The following ARHGAP26 variants were observed in gnomAD, a reference collection of about 807,000 sequenced individuals.
ARHGAP26 encodes the protein Rho GTPase activating protein 26, also known as rho GTPase-activating protein 26.
Under a neutral mutation model 104.8 loss-of-function variants are expected in ARHGAP26, and 38 were observed. The observed-to-expected ratio is 0.36, with a 90% CI of 0.28 to 0.48. ARHGAP26 has a LOEUF of 0.48. Ranked by LOEUF, ARHGAP26 falls within the 20% of genes least tolerant of loss-of-function variation. The pLI, the probability that ARHGAP26 is intolerant of heterozygous loss-of-function variation, is 0.99. For synonymous variants in ARHGAP26, 341 were observed against 340.0 expected, an observed-to-expected ratio of 1.00 and a Z score of -0.03; for missense variants, 704 against 947.9, an observed-to-expected ratio of 0.74 and a Z score of 3.38.
In ARHGAP26 at chr5:142,809,358, A is replaced by G. The variant is rs114597961; in HGVS notation, c.154+38443A>G. Among the ~76,000 whole-genome samples the G allele has an allele frequency of 5.1e-3, 778 of 152,342 alleles. 9 individuals are homozygous for G. Among genetic ancestry groups the G allele is most frequent in the African/African-American group, 0.018 (742 of 41,578 alleles). ...CCCCAAGAGAGAAGCCAGGATGTGA[A>G]GGACTTTGAGCTTCTTAGAAGAAGG... On this transcript the variant is annotated intron_variant, in intron 1 of 22. Transcript: ENST00000645722.
intron 11 of ARHGAP26, among the ~76,000 whole-genome samples, chr5:142,997,286 G>C (rs1310121408): frequency 3.3e-5 from 5 of 152,114 alleles, no homozygotes; most frequent in South Asian, 2.1e-4. Flanking sequence ...TTGTAGGCAT[G>C]GGTAGAGTGG....
intron 11 of ARHGAP26, among the ~76,000 whole-genome samples, chr5:142,971,025 C>T (rs901900054): frequency 6.6e-6 from 1 of 151,964 alleles, no homozygotes; most frequent in Non-Finnish European, 1.5e-5. Flanking sequence ...TAAGATTCTA[C>T]AAATTTTTTA....
intron 7 of ARHGAP26, among the ~76,000 whole-genome samples, chr5:142,902,727 C>T (rs1760539888): frequency 6.6e-6 from 1 of 152,186 alleles, no homozygotes; most frequent in African/African-American, 2.4e-5. Context: ...CTGGAGGTTA[C>T]ATAGTAGTCA....
chr5:143,162,284 T>TACACATACAC (rs1554256330), intron 20 of ARHGAP26, among the ~76,000 whole-genome samples: 1 of 147,330 alleles, frequency 6.8e-6, no homozygotes. Flanking sequence ...AACACACACA[T>TACACATACAC]ACACACACAC....
At chr5:143,007,783 T>G (rs1449609497) in intron 11 of ARHGAP26, among the ~76,000 whole-genome samples, 1 of 151,140 alleles carries the variant, frequency 6.6e-6, no homozygotes, top group Non-Finnish European at 1.5e-5. Flanking sequence ...TAATTGATAG[T>G]GAAAAAGTGG....
chr5:143,057,781 AC>A, intron 17 of ARHGAP26, 34 bp downstream of exon 17: 1 of 1,561,432 alleles, frequency 6.4e-7, no homozygotes, highest in Non-Finnish European at 8.8e-7. Context: ...CCTTTTTCTT[AC>A]CCCTGAAAGT....
chr5:142,941,561 T>C (rs932967081), intron 11 of ARHGAP26, among the ~76,000 whole-genome samples: 1 of 152,194 alleles, frequency 6.6e-6, no homozygotes, highest in Non-Finnish European at 1.5e-5. Context: ...AGTTGCAAGC[T>C]TCATTTTTGT....
At chr5:143,094,262 C>T (rs1449470311) in intron 17 of ARHGAP26, among the ~76,000 whole-genome samples, 5 of 152,240 alleles carry the variant, frequency 3.3e-5, no homozygotes, top group African/African-American at 7.2e-5. Flanking sequence ...TACTGCCTCC[C>T]GTGGCATCTC....
At chr5:143,014,289 G>A (rs1779293735) in intron 12 of ARHGAP26, 173 bp downstream of exon 12, 3 of 670,072 alleles carry the variant, frequency 4.5e-6, no homozygotes, top group Non-Finnish European at 7.9e-6. Context: ...GACTCCAGAG[G>A]GACGGTAAGT....
intron 17 of ARHGAP26, among the ~76,000 whole-genome samples, chr5:143,102,357 C>T (rs1276637154): frequency 6.6e-6 from 1 of 152,202 alleles, no homozygotes; most frequent in Non-Finnish European, 1.5e-5. Context: ...ACCTCCATTT[C>T]TTTCAGAGGT....
intron 20 of ARHGAP26, among the ~76,000 whole-genome samples, chr5:143,149,506 C>A (rs1348911131): frequency 6.6e-6 from 1 of 152,198 alleles, no homozygotes; most frequent in Non-Finnish European, 1.5e-5. Flanking sequence ...GGGATCCTGT[C>A]TCCCTGATAT....
intron 11 of ARHGAP26, among the ~76,000 whole-genome samples, chr5:142,975,187 G>A (rs1318289207): frequency 6.6e-6 from 1 of 152,150 alleles, no homozygotes. Context: ...TGCTTCCCTT[G>A]TGCTGCTAAA....
intron 1 of ARHGAP26, 106 bp downstream of exon 1, chr5:142,771,021 A>G: frequency 4.1e-6 from 6 of 1,454,370 alleles, no homozygotes; most frequent in Non-Finnish European, 5.5e-6. Flanking sequence ...TGCTCCCGGT[A>G]CACTGGGGGA....
At chr5:143,142,016 T>C (rs529934249) in intron 19 of ARHGAP26, among the ~76,000 whole-genome samples, 1 of 152,196 alleles carries the variant, frequency 6.6e-6, no homozygotes, top group Admixed American at 6.5e-5. Flanking sequence ...CTGCAGGGAG[T>C]CAGTCTGTCC....
At chr5:143,107,937 C>A (rs904611894) in intron 17 of ARHGAP26, among the ~76,000 whole-genome samples, 16 of 152,204 alleles carry the variant, frequency 1.1e-4, no homozygotes, top group Admixed American at 9.2e-4. Context: ...TTATTGGCTT[C>A]ATTCCCTGAC....
intron 20 of ARHGAP26, among the ~76,000 whole-genome samples, chr5:143,173,322 C>T (rs1328304384): frequency 1.3e-5 from 2 of 152,176 alleles, no homozygotes; most frequent in African/African-American, 4.8e-5. Context: ...GAGCATGAGC[C>T]ACTGCACCCG....
intron 11 of ARHGAP26, among the ~76,000 whole-genome samples, chr5:142,981,951 C>G (rs955977571): frequency 1.3e-5 from 2 of 152,238 alleles, no homozygotes; most frequent in African/African-American, 4.8e-5. Context: ...ATAGAAGAGG[C>G]CTCGTGCAGG....
At chr5:143,205,100 A>G (rs562461791) in intron 20 of ARHGAP26, among the ~76,000 whole-genome samples, 6 of 152,252 alleles carry the variant, frequency 3.9e-5, no homozygotes, top group African/African-American at 1.4e-4. Context: ...AGGAGTTGAC[A>G]CTTTTCCTAG....
rs549461608 is a variant in ARHGAP26, at chr5:142,926,326, T to TGATTCTTAAGCAGATCCA, written c.1029-5687_1029-5670dup. Among the ~76,000 whole-genome samples, 4 of 152,170 alleles carry TGATTCTTAAGCAGATCCA rather than the reference T, an allele frequency of 2.6e-5. 1 individual carries two copies. The highest frequency in any genetic ancestry group is 2.1e-4 in the South Asian group (1 of 4,828). ...AGAGAAAATTCCAGATCCTCGTTCA[T>TGATTCTTAAGCAGATCCA]GATTCTTAAGCAGATCCAGATTCTT... On this transcript the variant is annotated intron_variant, in intron 10 of 22. Coordinates refer to ENST00000645722, the MANE Select transcript of ARHGAP26 (RefSeq NM_001135608.3).
Sources: gnomAD v4.1 joint callset for allele counts (sites outside exome capture counted in the v4.1 genomes callset) on GRCh38, gnomAD v4.1.1 for gene constraint, MANE v1.5 for transcripts, NCBI Gene and HGNC (gene_info 2026-07-23, HGNC 2026-07-21) for gene names.